Variants in PYROXD1 observed in about 807,000 individuals in gnomAD.
PYROXD1 encodes the protein tRNA ligase complex-associated NAD(P)H dehydrogenase PYROXD1.
In PYROXD1, 42 loss-of-function variants were observed where a neutral mutation model predicts 62.0. That is an observed-to-expected ratio of 0.68 (90% CI 0.53 to 0.88). PYROXD1 has a LOEUF of 0.88. PYROXD1 is among the 40% of genes least tolerant of loss of function. The pLI, the probability that PYROXD1 is intolerant of heterozygous loss-of-function variation, is 0.00. For synonymous variants in PYROXD1, 170 were observed against 206.4 expected, an observed-to-expected ratio of 0.82 and a Z score of 1.51; for missense variants, 493 against 604.8, an observed-to-expected ratio of 0.82 and a Z score of 1.94.
chr12:21,437,725 G>T lies in PYROXD1; in HGVS notation c.-6G>T, dbSNP rs377439158. On this transcript the variant is annotated 5_prime_UTR_variant, in exon 1 of 12. Coordinates refer to ENST00000240651, the MANE Select transcript of PYROXD1 (RefSeq NM_024854.5). ...ATATTCAGTAAACCACTGGGAGTCC[G>T]GCAGCATGGAGGCAGCGCGCCCTCC... 6.8e-6 allele frequency: 11 copies of T among 1,610,800 alleles called. No homozygotes were observed. The African/African-American group carries it at 1.3e-4, about 20-fold the overall frequency.
chr12:21,462,604 C>T (rs2137282915), intron 9 of PYROXD1, 136 bp from the exon 10 acceptor site: 1 of 963,688 alleles, frequency 1.0e-6, no homozygotes, highest in East Asian at 2.5e-5. Context: ...GGTGTCTAAA[C>T]TTTGCTGATA....
intron 5 of PYROXD1, among the ~76,000 whole-genome samples, chr12:21,453,843 T>C (rs1942546972): frequency 6.6e-6 from 1 of 152,042 alleles, no homozygotes; most frequent in African/African-American, 2.4e-5. Flanking sequence ...TTAAAAATGG[T>C]AATATAGAGA....
intron 7 of PYROXD1, among the ~76,000 whole-genome samples, chr12:21,458,045 A>G (rs1387659379): frequency 6.6e-6 from 1 of 152,184 alleles, no homozygotes; most frequent in Non-Finnish European, 1.5e-5. Flanking sequence ...ATCCCCTAAC[A>G]GGAGAGTCTG....
intron 3 of PYROXD1, 98 bp from the exon 4 acceptor site, chr12:21,449,465 G>T: frequency 8.6e-7 from 1 of 1,158,760 alleles, no homozygotes; most frequent in South Asian, 1.6e-5. Flanking sequence ...AATATATTAT[G>T]TTTTGCTTTT....
chr12:21,445,602 A>G, intron 3 of PYROXD1, 136 bp downstream of exon 3: 1 of 877,056 alleles, frequency 1.1e-6, no homozygotes, highest in Non-Finnish European at 1.6e-6. Flanking sequence ...ATTGATTTCC[A>G]GTATTATTAG....
At chr12:21,445,548 A>C in intron 3 of PYROXD1, 82 bp downstream of exon 3, 1 of 1,317,098 alleles carries the variant, frequency 7.6e-7, no homozygotes, top group South Asian at 2.0e-5. Context: ...CTCCAGCTCT[A>C]CTACCACCAC....
chr12:21,445,274 A>T lies in PYROXD1; in HGVS notation c.166-73A>T, dbSNP rs539047499. The T allele has an allele frequency of 9.3e-6, 13 of 1,391,592 alleles. No homozygotes were observed. The East Asian group carries it at 3.1e-4, about 33-fold the overall frequency. 86.2% of individuals were successfully genotyped at this position (1,391,592 alleles called of 1,614,324 possible). On this transcript the variant is annotated intron_variant, in intron 2 of 11. Transcript: ENST00000240651. Reference sequence around the variant, plus strand: ...ACAAAATAGTGTGTAAAAGCAAAGTATTTTTATTATTTAAGATTCTTGAAA... The same window carrying T: ...ACAAAATAGTGTGTAAAAGCAAAGTTTTTTTATTATTTAAGATTCTTGAAA...
intron 3 of PYROXD1, among the ~76,000 whole-genome samples, chr12:21,447,089 A>G (rs1022667682): frequency 1.3e-5 from 2 of 152,202 alleles, no homozygotes; most frequent in African/African-American, 4.8e-5. Context: ...GTCTCAGGAA[A>G]GGATGTTGTT....
At chr12:21,455,934 C>G (rs549696943) in intron 6 of PYROXD1, 61 bp from the exon 7 acceptor site, 2 of 1,091,440 alleles carry the variant, frequency 1.8e-6, no homozygotes, top group Non-Finnish European at 2.7e-6. Flanking sequence ...TAAAAAACTT[C>G]AGAACACTAA....
chr12:21,461,990 G>GT lies in PYROXD1; in HGVS notation c.881-18_881-17insT, dbSNP rs2137281650. Reference sequence around the variant, plus strand: ...ATTTACAAATAAAGTCTGTTTTTTTGGTTTTTTTTTCTTAAAGAGATGTGG... The same window carrying GT: ...ATTTACAAATAAAGTCTGTTTTTTTGTGTTTTTTTTTCTTAAAGAGATGTGG... On this transcript the variant is annotated splice_polypyrimidine_tract_variant and intron_variant, in intron 8 of 11. Transcript: ENST00000240651. 2.0e-6 allele frequency: 3 copies of GT among 1,525,904 alleles called. No individual in the cohort carries two copies. Among genetic ancestry groups the GT allele is most frequent in the African/African-American group, 2.8e-5 (2 of 72,674 alleles). The allele number at this position is 1,525,904 out of a possible 1,614,324, so 94.5% of individuals were successfully genotyped here.
chr12:21,445,221 A>G, intron 2 of PYROXD1, 126 bp from the exon 3 acceptor site: 1 of 1,004,164 alleles, frequency 1.0e-6, no homozygotes, highest in Admixed American at 3.5e-5. Context: ...TATATAGTGC[A>G]GTTGGCTAAC....
intron 7 of PYROXD1, among the ~76,000 whole-genome samples, chr12:21,460,437 T>A (rs936434796): frequency 6.6e-6 from 1 of 151,060 alleles, no homozygotes; most frequent in Non-Finnish European, 1.5e-5. Context: ...TTATTTATTT[T>A]TTTTGAGACA....
intron 1 of PYROXD1, 24 bp downstream of exon 1, chr12:21,437,838 CG>C (rs1565541159): frequency 6.2e-7 from 1 of 1,603,050 alleles, no homozygotes; most frequent in Admixed American, 1.7e-5. Context: ...CAGGCGGTTC[CG>C]CCTCTTTCCC....
chr12:21,453,857 T>A (rs1195099162), intron 5 of PYROXD1, among the ~76,000 whole-genome samples: 1 of 152,130 alleles, frequency 6.6e-6, no homozygotes, highest in East Asian at 1.9e-4. Flanking sequence ...ATAGAGAAAT[T>A]CCCAGTTTTT....
At chr12:21,449,943 C>T (rs1942462321) in intron 4 of PYROXD1, among the ~76,000 whole-genome samples, 1 of 151,446 alleles carries the variant, frequency 6.6e-6, no homozygotes, top group Non-Finnish European at 1.5e-5. Context: ...CTGCAAGCTC[C>T]GCCTCCCAGT....
At chr12:21,448,286 G>C in intron 3 of PYROXD1, 1 of 355,966 alleles carries the variant, frequency 2.8e-6, no homozygotes. Flanking sequence ...GTGAGGCGAG[G>C]ACGCAGAGTG....
intron 10 of PYROXD1, among the ~76,000 whole-genome samples, chr12:21,464,839 TC>T (rs1942763052): frequency 6.6e-6 from 1 of 151,502 alleles, no homozygotes; most frequent in South Asian, 2.1e-4. Context: ...CCCACAAGAG[TC>T]CCCGGTGTGT....
In PYROXD1 at chr12:21,470,701, G is replaced by C; in HGVS notation, c.*1947G>C. 3.1e-6 allele frequency: 1 copy of C among 318,268 alleles called. No individual in the cohort carries two copies. Among genetic ancestry groups the C allele is most frequent in the Non-Finnish European group, 5.6e-6 (1 of 178,330 alleles). 19.7% of individuals were successfully genotyped at this position (318,268 alleles called of 1,614,324 possible). ...TAGTAATCACAACCAAATAAGAGCA[G>C]AGTGCATAACAAAATTAGATATTCA... On this transcript the variant is annotated 3_prime_UTR_variant, in exon 12 of 12. Transcript: ENST00000240651.
At chr12:21,466,671 T>C (rs1942800732) in intron 10 of PYROXD1, among the ~76,000 whole-genome samples, 1 of 152,166 alleles carries the variant, frequency 6.6e-6, no homozygotes, top group Admixed American at 6.5e-5. Context: ...TCCTGCCTGA[T>C]TGCCCTGGCC....
Sources: allele counts gnomAD v4.1 joint callset (sites outside exome capture counted in the v4.1 genomes callset), GRCh38; gene constraint gnomAD v4.1.1; transcripts MANE v1.5; gene names NCBI Gene and HGNC (gene_info 2026-07-23, HGNC 2026-07-21).